Variants in FAT3 observed in about 807,000 individuals in gnomAD.
The protein encoded by FAT3 is FAT atypical cadherin 3.
FAT3 carries 95 observed loss-of-function variants against 310.2 expected under a neutral mutation model. The observed-to-expected ratio is 0.31, with a 90% CI of 0.26 to 0.36. The LOEUF (loss-of-function observed/expected upper bound fraction) is 0.36, where lower values mean the gene tolerates loss of function less well. Ranked by LOEUF, FAT3 falls within the 10% of genes least tolerant of loss-of-function variation. The pLI is 1.00. For missense variants in FAT3, 5,408 were observed against 5,715.6 expected (o/e 0.95, Z 1.74); for synonymous variants, 2,314 against 2,192.9 (o/e 1.06, Z -1.54).
chr11:92,536,376 A>G (rs578213291), intron 3 of FAT3, among the ~76,000 whole-genome samples: 5 of 152,182 alleles, frequency 3.3e-5, no homozygotes, highest in Non-Finnish European at 7.4e-5. Context: ...AGTAGTAATC[A>G]TGAGCTTGGA....
chr11:92,686,835 G>A (rs946135488), intron 3 of FAT3, among the ~76,000 whole-genome samples: 2 of 152,136 alleles, frequency 1.3e-5, no homozygotes, highest in Non-Finnish European at 2.9e-5. Flanking sequence ...TGAGTAATTT[G>A]CACTTTATCC....
chr11:92,811,835 A>G (rs1052180656), intron 13 of FAT3, among the ~76,000 whole-genome samples: 1 of 152,240 alleles, frequency 6.6e-6, no homozygotes, highest in Non-Finnish European at 1.5e-5. Context: ...AAACTGTGGC[A>G]TAAGATACCA....
chr11:92,520,068 A>C (rs1343686964), intron 2 of FAT3, among the ~76,000 whole-genome samples: 1 of 152,168 alleles, frequency 6.6e-6, no homozygotes, highest in Non-Finnish European at 1.5e-5. Context: ...GTAATGGTTA[A>C]AAACTGAAAG....
chr11:92,227,698 A>G (rs964338760), intron 1 of FAT3, among the ~76,000 whole-genome samples: 1 of 151,882 alleles, frequency 6.6e-6, no homozygotes, highest in African/African-American at 2.4e-5. Context: ...GAGATTCTTC[A>G]GAATCCTAGA....
chr11:92,395,466 C>G (rs541974677), intron 2 of FAT3, among the ~76,000 whole-genome samples: 4 of 152,216 alleles, frequency 2.6e-5, no homozygotes, highest in South Asian at 4.1e-4. Flanking sequence ...CCATGCCTGT[C>G]GAGAGTTCAG....
At chr11:92,265,118 G>A (rs984750933) in intron 1 of FAT3, among the ~76,000 whole-genome samples, 6 of 151,874 alleles carry the variant, frequency 4.0e-5, no homozygotes, top group Admixed American at 1.3e-4. Flanking sequence ...ATCTTCTTCA[G>A]GACTCAGTAT....
chr11:92,718,130 T>C (rs1944743470), intron 4 of FAT3, among the ~76,000 whole-genome samples: 1 of 152,172 alleles, frequency 6.6e-6, no homozygotes, highest in South Asian at 2.1e-4. Flanking sequence ...TTATTGTGCC[T>C]ATAATCCTGA....
chr11:92,878,128 A>C (rs910222059), intron 22 of FAT3, among the ~76,000 whole-genome samples: 2 of 152,180 alleles, frequency 1.3e-5, no homozygotes, highest in African/African-American at 2.4e-5. Context: ...TGGCTGGTTG[A>C]AAATTCATGT....
intron 22 of FAT3, 45 bp from the exon 23 acceptor site, chr11:92,880,686 C>T (rs1201961842): frequency 1.3e-6 from 2 of 1,591,442 alleles, no homozygotes; most frequent in East Asian, 4.5e-5. Context: ...AGCACTCAGC[C>T]CTAGCAGTGG....
chr11:92,440,720 A>T (rs973925734), intron 2 of FAT3, among the ~76,000 whole-genome samples: 3 of 152,252 alleles, frequency 2.0e-5, no homozygotes, highest in African/African-American at 4.8e-5. Context: ...AGTTTCAATA[A>T]GGAGGGAAAA....
intron 2 of FAT3, among the ~76,000 whole-genome samples, chr11:92,412,313 G>A (rs889121837): frequency 3.3e-5 from 5 of 150,990 alleles, no homozygotes; most frequent in African/African-American, 1.2e-4. Context: ...ATGTTGGCCA[G>A]GATGGTCTCA....
intron 3 of FAT3, among the ~76,000 whole-genome samples, chr11:92,684,101 G>A (rs1366914203): frequency 6.6e-5 from 10 of 152,158 alleles, no homozygotes; most frequent in Non-Finnish European, 1.5e-4. Context: ...TCAATGCACA[G>A]CCATTTGTTC....
chr11:92,843,702 T>A (rs1948603240), intron 18 of FAT3, among the ~76,000 whole-genome samples: 1 of 152,174 alleles, frequency 6.6e-6, no homozygotes, highest in Admixed American at 6.5e-5. Flanking sequence ...CCAGCCGGCT[T>A]TATTGTGTTG....
chr11:92,556,592 T>A (rs1166184494), intron 3 of FAT3, among the ~76,000 whole-genome samples: 1 of 152,174 alleles, frequency 6.6e-6, no homozygotes, highest in South Asian at 2.1e-4. Context: ...ATCAGAAATA[T>A]CTGTGAGGCC....
chr11:92,705,376 G>GTGT (rs1384169305), intron 4 of FAT3, among the ~76,000 whole-genome samples: 3 of 138,732 alleles, frequency 2.2e-5, no homozygotes, highest in African/African-American at 8.0e-5. Flanking sequence ...GTTGGTGATG[G>GTGT]TGTTGGTGGT....
chr11:92,450,538 A>G (rs546741307), intron 2 of FAT3, among the ~76,000 whole-genome samples: 1 of 152,284 alleles, frequency 6.6e-6, no homozygotes, highest in Admixed American at 6.5e-5. Flanking sequence ...GTTCCAACAC[A>G]AGACTGGAAA....
At chr11:92,592,332 T>TTG in intron 3 of FAT3, among the ~76,000 whole-genome samples, 1 of 147,682 alleles carries the variant, frequency 6.8e-6, no homozygotes, top group East Asian at 2.0e-4. Flanking sequence ...TTTTTTTTTT[T>TTG]TTTTTTTGAG....
chr11:92,825,633 G>T (rs12294504), intron 13 of FAT3, among the ~76,000 whole-genome samples: 1 of 152,092 alleles, frequency 6.6e-6, no homozygotes, highest in Admixed American at 6.5e-5. Context: ...AATGACACTG[G>T]AAAGGGGGGT....
At chr11:92,780,345 T>C (rs1946714866) in intron 7 of FAT3, among the ~76,000 whole-genome samples, 1 of 152,000 alleles carries the variant, frequency 6.6e-6, no homozygotes, top group South Asian at 2.1e-4. Context: ...GTATTTTTTG[T>C]AGAGGTGGGT....
Sources: allele counts gnomAD v4.1 joint callset (sites outside exome capture counted in the v4.1 genomes callset), GRCh38; gene constraint gnomAD v4.1.1; transcripts MANE v1.5; gene names NCBI Gene and HGNC (gene_info 2026-07-23, HGNC 2026-07-21).